The following DLGAP4 variants were observed in gnomAD, a reference collection of about 807,000 sequenced individuals.
DLGAP4 encodes DLG associated protein 4, also known as disks large-associated protein 4.
DLGAP4 carries 18 observed loss-of-function variants against 86.9 expected under a neutral mutation model. The ratio of observed to expected loss-of-function variants is 0.21; its 90% CI spans 0.14 to 0.31. DLGAP4 has a LOEUF of 0.31. DLGAP4 is among the 10% of genes least tolerant of loss of function. The pLI, the probability that DLGAP4 is intolerant of heterozygous loss-of-function variation, is 1.00. For synonymous variants in DLGAP4, 548 were observed against 574.3 expected (o/e 0.95, Z 0.65); for missense variants, 1,085 against 1,362.6 (o/e 0.80, Z 3.21).
intron 7 of DLGAP4, among the ~76,000 whole-genome samples, chr20:36,484,586 A>G (rs944603891): frequency 3.3e-5 from 5 of 152,254 alleles, no homozygotes; most frequent in Non-Finnish European, 7.3e-5. Context: ...AGAGCCTGAA[A>G]CCAGACCTGG....
In DLGAP4 at chr20:36,496,924, G is replaced by A. The variant is rs149955874; in HGVS notation, c.1868G>A (p.Arg623Gln). Residue 623 changes from arginine to glutamine, a missense_variant, in exon 8 of 13, where the codon CGG becomes CAG. Coordinates refer to ENST00000339266, the MANE Select transcript of DLGAP4 (RefSeq NM_001365621.2). ...DSSTRPPSVT[R>Q]GGVAPAPEAP... is the part of the protein sequence containing the mutation. Reference sequence around the variant, plus strand: ...AGTACCCGACCGCCCAGCGTGACACGGGGTGGAGTCGCCCCAGCCCCTGAG... The same window carrying A: ...AGTACCCGACCGCCCAGCGTGACACAGGGTGGAGTCGCCCCAGCCCCTGAG... 3.7e-6 allele frequency: 6 copies of A among 1,614,052 alleles called. No homozygotes were observed. The highest frequency in any genetic ancestry group is 3.3e-5 in the Admixed American group (2 of 59,998).
chr20:36,398,861 G>A (rs1169452902), intron 2 of DLGAP4, among the ~76,000 whole-genome samples: 1 of 152,152 alleles, frequency 6.6e-6, no homozygotes, highest in Non-Finnish European at 1.5e-5. Context: ...GGAGAATAAC[G>A]TGTGGCTGGC....
In DLGAP4 at chr20:36,441,276, T is replaced by A. The variant is rs143074050; in HGVS notation, c.1356+1408T>A. Among the ~76,000 whole-genome samples, 73 of 152,302 alleles carry A rather than the reference T, an allele frequency of 4.8e-4. 1 individual carries two copies. The highest frequency in any genetic ancestry group is 1.5e-3 in the African/African-American group (63 of 41,568). ...ATGCCGGCCTCCTTTCTGCTCCTTA[T>A]ATACGAGTGTGCCATGTCATTCTGC... On this transcript the variant is annotated intron_variant, in intron 5 of 12. Transcript: ENST00000339266.
chr20:36,383,233 G>A (rs2031469423), intron 2 of DLGAP4, among the ~76,000 whole-genome samples: 1 of 152,208 alleles, frequency 6.6e-6, no homozygotes, highest in African/African-American at 2.4e-5. Flanking sequence ...TTTACTTTGA[G>A]ACCATGTGGG....
intron 7 of DLGAP4, among the ~76,000 whole-genome samples, chr20:36,468,944 GT>G (rs2034536934): frequency 6.6e-6 from 1 of 152,062 alleles, no homozygotes; most frequent in South Asian, 2.1e-4. Context: ...CATTCTTTTT[GT>G]TTTGTTTCAG....
rs143440407 is a variant in DLGAP4, at chr20:36,499,986, C to CGT, written c.2100-203_2100-202dup. On this transcript the variant is annotated intron_variant, in intron 9 of 12. Transcript: ENST00000339266. ...ACAGGCAACCTTATGACCTTGTCCT[C>CGT]GTGTGTGTGTGCGTGTGGGCTTGGG... 2.0e-3 allele frequency among the ~76,000 whole-genome samples: 297 copies of CGT among 152,012 alleles called. 3 individuals are homozygous for CGT. Among genetic ancestry groups the CGT allele is most frequent in the African/African-American group, 6.9e-3 (287 of 41,466 alleles).
intron 1 of DLGAP4, among the ~76,000 whole-genome samples, chr20:36,336,825 C>A (rs1332516204): frequency 1.3e-5 from 2 of 152,174 alleles, no homozygotes; most frequent in African/African-American, 2.4e-5. Context: ...TCCAGCTTTG[C>A]TCCCGCCTGC....
At position 36,414,212 on chromosome 20, in the gene DLGAP4, C is replaced by G. The variant is rs190600235; in HGVS notation, c.-72-17434C>G. Among the ~76,000 whole-genome samples the G allele has an allele frequency of 9.9e-5, 15 of 152,274 alleles. No individual in the cohort carries two copies. The East Asian group carries it at 2.9e-3, about 29-fold the overall frequency. On this transcript the variant is annotated intron_variant, in intron 2 of 12. Transcript: ENST00000339266. ...AGCCCCCACAAGCACAACAACAAAC[C>G]CTGCTTGAAAACAGCAGCCAAGGGG...
chr20:36,334,514 G>A (rs1362681023), intron 1 of DLGAP4, among the ~76,000 whole-genome samples: 1 of 152,188 alleles, frequency 6.6e-6, no homozygotes, highest in Non-Finnish European at 1.5e-5. Flanking sequence ...AGCAGGGAGT[G>A]CAATTTGCAG....
chr20:36,341,700 C>T (rs1555892519), intron 1 of DLGAP4, among the ~76,000 whole-genome samples: 1 of 152,242 alleles, frequency 6.6e-6, no homozygotes, highest in African/African-American at 2.4e-5. Context: ...CCCTCAGTCC[C>T]TCTGCTCTAG....
At chr20:36,461,030 G>GT (rs2034015529) in intron 7 of DLGAP4, among the ~76,000 whole-genome samples, 2 of 152,204 alleles carry the variant, frequency 1.3e-5, no homozygotes, top group Non-Finnish European at 2.9e-5. Flanking sequence ...ACTATGCAGG[G>GT]GTGAGAGGGC....
At chr20:36,454,132 G>A (rs182793511) in intron 7 of DLGAP4, among the ~76,000 whole-genome samples, 26 of 150,686 alleles carry the variant, frequency 1.7e-4, no homozygotes, top group Non-Finnish European at 2.5e-4. Flanking sequence ...TTAGCTGGGC[G>A]CCTGTAATCC....
At chr20:36,462,380 T>C (rs1156669533) in intron 7 of DLGAP4, 42 of 1,403,334 alleles carry the variant, frequency 3.0e-5, no homozygotes, top group Non-Finnish European at 3.8e-5. Context: ...TCTGTCTCGG[T>C]GGTCTCGCCA....
At chr20:36,367,598 GA>G (rs1231459428) in intron 2 of DLGAP4, among the ~76,000 whole-genome samples, 1 of 152,190 alleles carries the variant, frequency 6.6e-6, no homozygotes, top group Non-Finnish European at 1.5e-5. Flanking sequence ...AGCAGGCGGG[GA>G]CAGGTTGTGC....
chr20:36,377,811 G>A (rs746841899), intron 2 of DLGAP4, among the ~76,000 whole-genome samples: 5 of 152,150 alleles, frequency 3.3e-5, no homozygotes, highest in African/African-American at 7.2e-5. Context: ...AACTCTCCCC[G>A]CGTTCCTCCA....
chr20:36,439,766 C>A lies in DLGAP4; in HGVS notation c.1254C>A (p.Arg418=). Residue 418 remains arginine (R), a synonymous_variant, in exon 5 of 13, where the codon CGC becomes CGA. Coordinates refer to ENST00000339266, the MANE Select transcript of DLGAP4 (RefSeq NM_001365621.2). ...CACTCCCCACCAGGAGTCTGGACCG[C>A]CTGGATTCAGTGGACATGCTGCTGC... ...EQSNPRRSLD[R]LDSVDMLLPS... is the part of the protein sequence containing the mutation. The A allele has an allele frequency of 6.2e-7, 1 of 1,613,424 alleles. No individual in the cohort carries two copies. The highest frequency in any genetic ancestry group is 1.3e-5 in the African/African-American group (1 of 75,040).
At chr20:36,320,119 C>G (rs2065152234) in intron 1 of DLGAP4, among the ~76,000 whole-genome samples, 1 of 130,776 alleles carries the variant, frequency 7.6e-6, no homozygotes, top group South Asian at 3.0e-4. Flanking sequence ...TTCCCCTAGG[C>G]CCCCCTCTGT....
rs148292622 is a variant in DLGAP4, at chr20:36,414,730, C to T, written c.-72-16916C>T. On this transcript the variant is annotated intron_variant, in intron 2 of 12. Coordinates refer to ENST00000339266, the MANE Select transcript of DLGAP4 (RefSeq NM_001365621.2). ...CCATGGGGGCTCCAGGGGGCAGAGG[C>T]CCTGTTCCTGTCCCCCTCCAGTTCC... 9.8e-4 allele frequency among the ~76,000 whole-genome samples: 150 copies of T among 152,336 alleles called. 2 individuals are homozygous for T. The East Asian group carries it at 0.028, about 28-fold the overall frequency.
At chr20:36,440,706 T>C (rs527571302) in intron 5 of DLGAP4, among the ~76,000 whole-genome samples, 1 of 151,892 alleles carries the variant, frequency 6.6e-6, no homozygotes, top group East Asian at 1.9e-4. Context: ...TACTCGGCAC[T>C]TTAGGGTTTG....
Sources: allele counts gnomAD v4.1 joint callset (sites outside exome capture counted in the v4.1 genomes callset), GRCh38; gene constraint gnomAD v4.1.1; transcripts MANE v1.5; gene names NCBI Gene and HGNC (gene_info 2026-07-23, HGNC 2026-07-21).